Variants in EXO1 observed in about 807,000 individuals in gnomAD.
EXO1 encodes the protein exonuclease 1.
A neutral mutation model predicts 84.5 loss-of-function variants in EXO1; 69 were observed. The observed-to-expected ratio is 0.82, with a 90% confidence interval of 0.67 to 1.00. The LOEUF is 1.00. Ranked by LOEUF, EXO1 falls within the 50% of genes least tolerant of loss-of-function variation. The probability of loss-of-function intolerance (pLI) is 0.00; values close to 1 mark genes in which losing one functional copy is unlikely to be tolerated. For synonymous variants in EXO1, 373 were observed against 366.1 expected, an observed-to-expected ratio of 1.02 and a Z score of -0.21; for missense variants, 1,045 against 1,000.7, an observed-to-expected ratio of 1.04 and a Z score of -0.60.
chr1:241,868,480 G>A (rs1326600401), intron 11 of EXO1, among the ~76,000 whole-genome samples: 3 of 151,504 alleles, frequency 2.0e-5, no homozygotes, highest in African/African-American at 4.8e-5. Context: ...ATACATTATC[G>A]TAAAACAAAA....
chr1:241,880,064 G>A (rs766674232), intron 13 of EXO1, among the ~76,000 whole-genome samples: 12 of 151,456 alleles, frequency 7.9e-5, no homozygotes, highest in African/African-American at 1.2e-4. Context: ...TAATGCAATG[G>A]TATTCATCTT....
At chr1:241,881,661 T>C (rs1474152838) in intron 13 of EXO1, among the ~76,000 whole-genome samples, 1 of 152,170 alleles carries the variant, frequency 6.6e-6, no homozygotes, top group Non-Finnish European at 1.5e-5. Context: ...CATTTTAACA[T>C]CCTCTTCTAA....
At chr1:241,854,111 G>T (rs1660819403) in intron 6 of EXO1, among the ~76,000 whole-genome samples, 1 of 152,094 alleles carries the variant, frequency 6.6e-6, no homozygotes, top group African/African-American at 2.4e-5. Flanking sequence ...TTTAGAGCCT[G>T]CTTGGTTAAG....
chr1:241,886,070 C>A (rs906675008), intron 15 of EXO1, among the ~76,000 whole-genome samples: 3 of 152,106 alleles, frequency 2.0e-5, no homozygotes, highest in African/African-American at 4.8e-5. Context: ...TCAGGCTAGT[C>A]TCGAACTCCC....
At chr1:241,885,212 G>GTAAATAAATAAATAAATAAATAAATAAA in intron 14 of EXO1, 102 bp from the exon 15 acceptor site, 1 of 438,698 alleles carries the variant, frequency 2.3e-6, no homozygotes. Flanking sequence ...ATCTCAAAAA[G>GTAAATAAATAAATAAATAAATAAATAAA]TAAATAAATA....
At chr1:241,860,447 A>T (rs933102988) in intron 8 of EXO1, 70 bp from the exon 9 acceptor site, 1 of 1,211,050 alleles carries the variant, frequency 8.3e-7, no homozygotes, top group Admixed American at 1.7e-5. Flanking sequence ...AATGTAAATC[A>T]ATCAGCCTTG....
chr1:241,872,194 C>G lies in EXO1; in HGVS notation c.1430C>G (p.Pro477Arg), dbSNP rs370197529. ...PTNKKSVSTP[P>R]RTRNKFATFL... ...AACAAAAAGAGTGTAAGCACTCCAC[C>G]TAGGACGAGAAATAAATTTGCAACA... is the stretch of plus-strand genomic sequence containing the variant. Residue 477 changes from proline to arginine, a missense_variant, in exon 12 of 16, where the codon CCT (proline) becomes CGT (arginine). Transcript: ENST00000366548. 132 of 1,613,732 alleles carry G rather than the reference C, an allele frequency of 8.2e-5. No individual in the cohort carries two copies. Among genetic ancestry groups the G allele is most frequent in the Non-Finnish European group, 1.1e-4 (129 of 1,179,856 alleles).
At chr1:241,881,189 G>A (rs527424323) in intron 13 of EXO1, among the ~76,000 whole-genome samples, 4 of 152,064 alleles carry the variant, frequency 2.6e-5, no homozygotes, top group East Asian at 1.9e-4. Flanking sequence ...CACCATGCCC[G>A]GCTAATTTTT....
chr1:241,877,681 G>T (rs777030756), intron 12 of EXO1, among the ~76,000 whole-genome samples: 9 of 151,708 alleles, frequency 5.9e-5, no homozygotes, highest in Non-Finnish European at 1.2e-4. Flanking sequence ...AACTCTCTTT[G>T]CCTCCTCAAT....
At chr1:241,863,440 G>GA (rs1357170439) in intron 10 of EXO1, among the ~76,000 whole-genome samples, 2 of 149,176 alleles carry the variant, frequency 1.3e-5, no homozygotes, top group South Asian at 2.1e-4. Flanking sequence ...AGCGTATGTA[G>GA]AAAAAAGTGA....
intron 12 of EXO1, among the ~76,000 whole-genome samples, chr1:241,875,494 C>T (rs745615407): frequency 6.6e-6 from 1 of 152,154 alleles, no homozygotes; most frequent in Non-Finnish European, 1.5e-5. Context: ...AGTTTTGATT[C>T]GTCTTTTGCT....
chr1:241,879,201 G>GC lies in EXO1; in HGVS notation c.1968dup (p.Glu657ArgfsTer5). 6.2e-7 allele frequency: 1 copy of GC among 1,603,276 alleles called. No homozygotes were observed. The highest frequency in any genetic ancestry group is 8.5e-7 in the Non-Finnish European group (1 of 1,171,944). On this transcript the variant is annotated frameshift_variant, in exon 13 of 16. Coordinates refer to ENST00000366548, the MANE Select transcript of EXO1 (RefSeq NM_130398.4). LOFTEE classifies it high-confidence loss of function. Reference sequence around the variant, plus strand: ...ATGTCTGATGTGTCGCAGTTAAAGAGCGAGGAGTCCAGTGACGATGAGTCT... The same window carrying GC: ...ATGTCTGATGTGTCGCAGTTAAAGAGCCGAGGAGTCCAGTGACGATGAGTCT...
chr1:241,874,326 G>A (rs1662274195), intron 12 of EXO1, among the ~76,000 whole-genome samples: 1 of 152,218 alleles, frequency 6.6e-6, no homozygotes, highest in Non-Finnish European at 1.5e-5. Context: ...TTGAACCCGG[G>A]AGGAGGTTGC....
intron 5 of EXO1, among the ~76,000 whole-genome samples, 162 bp from the exon 6 acceptor site, chr1:241,853,196 T>A (rs1471489658): frequency 6.6e-6 from 1 of 152,184 alleles, no homozygotes; most frequent in African/African-American, 2.4e-5. Context: ...CTTAGAAGCC[T>A]AAAGCATCTG....
chr1:241,884,117 C>T (rs898383232), intron 14 of EXO1, among the ~76,000 whole-genome samples: 2 of 152,124 alleles, frequency 1.3e-5, no homozygotes, highest in Non-Finnish European at 2.9e-5. Flanking sequence ...TTTCAAAATC[C>T]TAAGGTTGTC....
intron 4 of EXO1, among the ~76,000 whole-genome samples, chr1:241,851,596 G>GTA (rs1660671978): frequency 3.9e-5 from 6 of 152,140 alleles, no homozygotes; most frequent in Non-Finnish European, 5.9e-5. Flanking sequence ...CCTGACCCTT[G>GTA]ATTGGATCCT....
Position 241,878,780 on chromosome 1 carries a change from G to A in EXO1, c.1546G>A (p.Val516Ile), listed in dbSNP as rs763385606. 2 of 1,613,316 alleles carry A rather than the reference G, an allele frequency of 1.2e-6. No individual in the cohort carries two copies. Among genetic ancestry groups the A allele is most frequent in the Non-Finnish European group, 8.5e-7 (1 of 1,179,566 alleles). The stretch of plus-strand genomic sequence containing the variant: ...TTGCAGTTCAGATTCTACTGACTGT[G>A]TATCAAACAAAGTGAGCATCCAGCC... ...FFCSSDSTDCVSNKVSIQPLD... is the reference protein window; with the variant it reads ...FFCSSDSTDCISNKVSIQPLD... The change falls in exon 13 of 16, where the codon GTA becomes ATA. Residue 516 changes from valine (V) to isoleucine (I), a missense_variant. Val to Ile is a conservative substitution (Grantham distance 29). Transcript: ENST00000366548.
intron 13 of EXO1, among the ~76,000 whole-genome samples, chr1:241,880,617 G>A (rs1490424242): frequency 6.6e-6 from 1 of 152,204 alleles, no homozygotes; most frequent in Non-Finnish European, 1.5e-5. Flanking sequence ...GCTGCCAGAT[G>A]TAGTAAACTC....
chr1:241,885,917 G>A (rs58403085), intron 15 of EXO1, among the ~76,000 whole-genome samples: 37,210 of 149,620 alleles, frequency 0.25, 4,875 homozygotes, highest in African/African-American at 0.27. Context: ...GCAATGGTGC[G>A]ATCTCCACTC....
Sources: allele counts gnomAD v4.1 joint callset (sites outside exome capture counted in the v4.1 genomes callset), GRCh38; gene constraint gnomAD v4.1.1; transcripts MANE v1.5; gene names NCBI Gene and HGNC (gene_info 2026-07-23, HGNC 2026-07-21).